NDST4: variants seen among roughly 807,000 people sequenced by gnomAD.
The protein encoded by NDST4 is N-heparan sulfate sulfotransferase 4.
A neutral mutation model predicts 100.8 loss-of-function variants in NDST4; 63 were observed. The ratio of observed to expected loss-of-function variants is 0.62; its 90% confidence interval spans 0.51 to 0.77. The LOEUF is 0.77. Ranked by LOEUF, NDST4 falls within the 30% of genes least tolerant of loss-of-function variation. The pLI is 0.00. For synonymous variants in NDST4, 377 were observed against 361.8 expected (o/e 1.04, Z -0.48); for missense variants, 943 against 1,018.4 (o/e 0.93, Z 1.01).
At chr4:114,994,776 G>A (rs1307126599) in intron 2 of NDST4, among the ~76,000 whole-genome samples, 1 of 151,822 alleles carries the variant, frequency 6.6e-6, no homozygotes, top group East Asian at 1.9e-4. Context: ...TTATCCTCTT[G>A]GGTTTAAAAA....
At chr4:114,895,885 A>G (rs921476550) in intron 6 of NDST4, among the ~76,000 whole-genome samples, 4 of 152,182 alleles carry the variant, frequency 2.6e-5, no homozygotes, top group Non-Finnish European at 5.9e-5. Context: ...GCCTGGTTCA[A>G]TATATGCAAA....
intron 2 of NDST4, among the ~76,000 whole-genome samples, chr4:115,005,133 C>T (rs561940692): frequency 6.6e-5 from 10 of 152,226 alleles, no homozygotes; most frequent in African/African-American, 2.4e-4. Context: ...AATAATTCAT[C>T]ACTCTTTCTA....
intron 1 of NDST4, among the ~76,000 whole-genome samples, chr4:115,091,040 A>G (rs1729509614): frequency 6.6e-6 from 1 of 152,142 alleles, no homozygotes; most frequent in East Asian, 1.9e-4. Flanking sequence ...AAAATAAAAC[A>G]TCACCTCTGT....
intron 6 of NDST4, among the ~76,000 whole-genome samples, chr4:114,913,107 A>G (rs1725096397): frequency 6.6e-6 from 1 of 151,722 alleles, no homozygotes; most frequent in Non-Finnish European, 1.5e-5. Context: ...ATTTTTGACA[A>G]TGGAGTTACA....
rs182966947 is a variant in NDST4 at position 114,839,820 on chromosome 4, T to C, written c.2116-272A>G. 1.1e-4 allele frequency among the ~76,000 whole-genome samples: 16 copies of C among 152,342 alleles called. No homozygotes were observed. In the East Asian group the frequency reaches 2.5e-3, roughly 24 times the overall value. On this transcript the variant is annotated intron_variant, in intron 10 of 13. Coordinates refer to ENST00000264363, the MANE Select transcript of NDST4 (RefSeq NM_022569.3). ...AATTAAAGTACAAGCCTTCACTATA[T>C]ATCAAGTGGTATACACATAAACTTG...
At chr4:115,045,166 G>A (rs1215028220) in intron 2 of NDST4, among the ~76,000 whole-genome samples, 2 of 152,040 alleles carry the variant, frequency 1.3e-5, no homozygotes, top group Non-Finnish European at 2.9e-5. Flanking sequence ...CAGTCTTAGG[G>A]TAGAGAGGAA....
chr4:115,018,943 T>C (rs28470302), intron 2 of NDST4, among the ~76,000 whole-genome samples: 10,647 of 152,012 alleles, frequency 0.07, 1,289 homozygotes, highest in African/African-American at 0.24. Context: ...AGAATGCAAA[T>C]GCTAATTTTT....
intron 1 of NDST4, 89 bp from the exon 2 acceptor site, chr4:115,077,371 T>C (rs956866746): frequency 1.2e-5 from 2 of 161,244 alleles, no homozygotes; most frequent in Non-Finnish European, 1.4e-5. Context: ...AAGAAACATA[T>C]ATAGCAATGA....
chr4:115,022,199 C>T (rs867124763), intron 2 of NDST4, among the ~76,000 whole-genome samples: 7 of 144,956 alleles, frequency 4.8e-5, no homozygotes, highest in African/African-American at 1.3e-4. Flanking sequence ...TATATATACA[C>T]GTTCCACGTC....
chr4:115,042,268 C>T (rs1381188316), intron 2 of NDST4, among the ~76,000 whole-genome samples: 1 of 152,090 alleles, frequency 6.6e-6, no homozygotes. Flanking sequence ...ACTACCCGCC[C>T]TTTGGCCATC....
At chr4:115,100,837 C>G (rs923792298) in intron 1 of NDST4, among the ~76,000 whole-genome samples, 5 of 150,156 alleles carry the variant, frequency 3.3e-5, no homozygotes, top group Non-Finnish European at 7.4e-5. Context: ...GCTCTGCCCT[C>G]CTTTCCTTAA....
chr4:114,888,849 T>C lies in NDST4; in HGVS notation c.1537-17899A>G, dbSNP rs565557682. Among the ~76,000 whole-genome samples the C allele has an allele frequency of 5.3e-5, 8 of 152,302 alleles. No individual in the cohort carries two copies. In the East Asian group the frequency reaches 1.5e-3, roughly 29 times the overall value. ...GACCATGGGATCCTACAATAGGTAGTGGATTTTAATCACATAGTCATTCTC... is the reference window on the plus strand; with the variant it reads ...GACCATGGGATCCTACAATAGGTAGCGGATTTTAATCACATAGTCATTCTC... On this transcript the variant is annotated intron_variant, in intron 6 of 13. Coordinates refer to ENST00000264363, the MANE Select transcript of NDST4 (RefSeq NM_022569.3).
chr4:115,072,220 A>C (rs1197762463), intron 2 of NDST4, among the ~76,000 whole-genome samples: 1 of 152,112 alleles, frequency 6.6e-6, no homozygotes, highest in Non-Finnish European at 1.5e-5. Flanking sequence ...CAATAAATGG[A>C]AAGCTTATCC....
chr4:115,070,806 C>A (rs577639804), intron 2 of NDST4, among the ~76,000 whole-genome samples: 2 of 152,006 alleles, frequency 1.3e-5, no homozygotes, highest in African/African-American at 2.4e-5. Flanking sequence ...TAACTTCAGT[C>A]AAAAAACTCG....
At chr4:115,012,858 G>A (rs1044591990) in intron 2 of NDST4, among the ~76,000 whole-genome samples, 1 of 151,992 alleles carries the variant, frequency 6.6e-6, no homozygotes, top group Non-Finnish European at 1.5e-5. Flanking sequence ...GCACAATGGA[G>A]TATTATTTAG....
chr4:114,833,732 A>T lies in NDST4; in HGVS notation c.2287-17T>A. The stretch of plus-strand genomic sequence containing the variant: ...AATTAGCAACTGTAAAGTCAGAAAT[A>T]GTCACTTTATGAAGAAAAAAATTAA... On this transcript the variant is annotated splice_polypyrimidine_tract_variant and intron_variant, in intron 11 of 13. Coordinates refer to ENST00000264363, the MANE Select transcript of NDST4 (RefSeq NM_022569.3). 2.6e-6 allele frequency: 4 copies of T among 1,544,550 alleles called. No homozygotes were observed. The highest frequency in any genetic ancestry group is 2.7e-6 in the Non-Finnish European group (3 of 1,124,080).
chr4:114,949,141 T>A (rs746661666), intron 4 of NDST4, among the ~76,000 whole-genome samples: 1 of 152,052 alleles, frequency 6.6e-6, no homozygotes, highest in Non-Finnish European at 1.5e-5. Context: ...TATGCTATTA[T>A]TGACCACTTC....
intron 6 of NDST4, among the ~76,000 whole-genome samples, chr4:114,930,746 C>G (rs1725494891): frequency 6.6e-6 from 1 of 151,906 alleles, no homozygotes; most frequent in Non-Finnish European, 1.5e-5. Context: ...TTTCCTAAGA[C>G]CTCAGAAATG....
intron 1 of NDST4, among the ~76,000 whole-genome samples, chr4:115,109,198 A>T (rs868282179): frequency 6.6e-6 from 1 of 151,906 alleles, no homozygotes; most frequent in African/African-American, 2.4e-5. Flanking sequence ...GCTAATGAAA[A>T]GAGATTAAGG....
Sources: allele counts gnomAD v4.1 joint callset (sites outside exome capture counted in the v4.1 genomes callset), GRCh38; gene constraint gnomAD v4.1.1; transcripts MANE v1.5; gene names NCBI Gene and HGNC (gene_info 2026-07-23, HGNC 2026-07-21).